PSMC6: variants seen among roughly 807,000 people sequenced by gnomAD.
PSMC6 encodes proteasome 26S subunit, ATPase 6.
A neutral mutation model predicts 55.9 loss-of-function variants in PSMC6; 3 were observed. The observed-to-expected ratio is 0.05, with a 90% confidence interval of 0.02 to 0.14. The LOEUF (loss-of-function observed/expected upper bound fraction) is 0.14, where lower values mean the gene tolerates loss of function less well. PSMC6 is among the 10% of genes least tolerant of loss of function. The pLI is 1.00. For missense variants in PSMC6, 210 were observed against 478.7 expected (o/e 0.44, Z 5.24); for synonymous variants, 137 against 155.9 (o/e 0.88, Z 0.90).
rs376778282 is a variant in PSMC6 at position 52,718,965 on chromosome 14, C to T, written c.716-12C>T. On this transcript the variant is annotated splice_polypyrimidine_tract_variant and intron_variant, in intron 9 of 13. Coordinates refer to ENST00000445930, the MANE Select transcript of PSMC6 (RefSeq NM_002806.5). ...GAGTAATGCATATAAATTTCCAAAT[C>T]TACTATCTTAGGTGGTCGTCGGTTT... 1.7e-5 allele frequency: 27 copies of T among 1,601,258 alleles called. No individual in the cohort carries two copies. The highest frequency in any genetic ancestry group is 2.2e-5 in the Non-Finnish European group (26 of 1,168,922).
At chr14:52,710,983 T>G in intron 4 of PSMC6, 118 bp from the exon 5 acceptor site, 1 of 818,946 alleles carries the variant, frequency 1.2e-6, no homozygotes, top group Non-Finnish European at 2.0e-6. Flanking sequence ...TATAATCTGA[T>G]ATTTGTGTTC....
intron 4 of PSMC6, chr14:52,709,628 G>T (rs113530978): frequency 2.2e-6 from 1 of 454,728 alleles, no homozygotes; most frequent in Non-Finnish European, 4.4e-6. Flanking sequence ...GTTGCATGAG[G>T]ACAAGACTGT....
At chr14:52,715,475 G>A (rs1426677393) in intron 7 of PSMC6, among the ~76,000 whole-genome samples, 3 of 152,112 alleles carry the variant, frequency 2.0e-5, no homozygotes, top group African/African-American at 4.8e-5. Context: ...TTTCCAAAGC[G>A]AACAAATTAA....
intron 10 of PSMC6, among the ~76,000 whole-genome samples, chr14:52,720,366 T>TAAAA (rs1420424928): frequency 1.0e-4 from 1 of 9,692 alleles, no homozygotes; most frequent in African/African-American, 5.6e-4. Context: ...AAACTCTGTC[T>TAAAA]CAAAAAAAAA....
At chr14:52,726,130 G>C (rs1182096210) in intron 13 of PSMC6, among the ~76,000 whole-genome samples, 1 of 152,158 alleles carries the variant, frequency 6.6e-6, no homozygotes, top group Non-Finnish European at 1.5e-5. Context: ...TTAGTAGATA[G>C]CAATAAACTT....
Position 52,720,955 on chromosome 14 carries a change from G to A in PSMC6, c.872G>A (p.Arg291His). 3 of 1,613,270 alleles carry A rather than the reference G, an allele frequency of 1.9e-6. No homozygotes were observed. Among genetic ancestry groups the A allele is most frequent in the Non-Finnish European group, 2.5e-6 (3 of 1,179,506 alleles). The change falls in exon 11 of 14, where the codon CGT becomes CAT. Residue 291 changes from arginine (R) to histidine (H), a missense_variant. Coordinates refer to ENST00000445930, the MANE Select transcript of PSMC6 (RefSeq NM_002806.5). ...RPDTLDPALLRPGRLDRKIHI... is the reference protein window; with the variant it reads ...RPDTLDPALLHPGRLDRKIHI... Reference sequence around the variant, plus strand: ...GATACACTGGATCCTGCTTTGCTGCGTCCAGGAAGATTAGATAGAAAAATA... The same window carrying A: ...GATACACTGGATCCTGCTTTGCTGCATCCAGGAAGATTAGATAGAAAAATA...
rs545340840 is a variant in PSMC6, at chr14:52,725,678, G to A, written c.1051+1642G>A. ...CTATAGGCGTGCGCCACCACACCCA[G>A]CTAATTTTTGTATTTTTTGTAGAGA... On this transcript the variant is annotated intron_variant, in intron 13 of 13. Coordinates refer to ENST00000445930, the MANE Select transcript of PSMC6 (RefSeq NM_002806.5). 5.3e-5 allele frequency among the ~76,000 whole-genome samples: 8 copies of A among 152,280 alleles called. 1 individual carries two copies. The South Asian group carries it at 1.7e-3, about 32-fold the overall frequency.
At chr14:52,719,883 G>A (rs1237592275) in intron 10 of PSMC6, among the ~76,000 whole-genome samples, 2 of 152,040 alleles carry the variant, frequency 1.3e-5, no homozygotes, top group African/African-American at 4.8e-5. Flanking sequence ...TAGAAATTGA[G>A]GACAATATTT....
intron 12 of PSMC6, chr14:52,722,343 A>C (rs893751100): frequency 6.6e-6 from 1 of 151,476 alleles, no homozygotes; most frequent in Non-Finnish European, 1.5e-5. Context: ...AGAGTTTTCT[A>C]TAAGATGGAA....
rs151306427 is a variant in PSMC6, at chr14:52,716,343, T to C, written c.530-1738T>C. ...GATTCAGCAATCCCACTTCTGGGTTTATATCTAAAGGAATTGAAATCAGTG... is the reference window on the plus strand; with the variant it reads ...GATTCAGCAATCCCACTTCTGGGTTCATATCTAAAGGAATTGAAATCAGTG... On this transcript the variant is annotated intron_variant, in intron 7 of 13. Coordinates refer to ENST00000445930, the MANE Select transcript of PSMC6 (RefSeq NM_002806.5). 7.5e-3 allele frequency among the ~76,000 whole-genome samples: 1,139 copies of C among 152,336 alleles called. 8 individuals carry two copies. The highest frequency in any genetic ancestry group is 0.023 in the African/African-American group (936 of 41,578).
chr14:52,708,742 T>A (rs2041732231), intron 3 of PSMC6, 22 bp from the exon 4 acceptor site: 1 of 1,611,096 alleles, frequency 6.2e-7, no homozygotes, highest in South Asian at 1.1e-5. Context: ...TTCAATTAGT[T>A]CTTTTATGTT....
intron 13 of PSMC6, among the ~76,000 whole-genome samples, chr14:52,726,095 A>G (rs1289011867): frequency 1.3e-5 from 2 of 152,236 alleles, no homozygotes; most frequent in Non-Finnish European, 2.9e-5. Context: ...GCAGATCCTC[A>G]GTGGAAATTT....
rs1376866376 is a variant in PSMC6, at chr14:52,727,811, A to G, written c.*194A>G. The G allele has an allele frequency of 4.6e-6, 2 of 437,132 alleles. No homozygotes were observed. The highest frequency in any genetic ancestry group is 4.0e-5 in the African/African-American group (2 of 49,746). 27.1% of individuals were successfully genotyped at this position (437,132 alleles called of 1,614,324 possible). On this transcript the variant is annotated 3_prime_UTR_variant, in exon 14 of 14. Coordinates refer to ENST00000445930, the MANE Select transcript of PSMC6 (RefSeq NM_002806.5). ...TTGTATGTTTGTTAAAGTTGCATTT[A>G]TTGCAGCAAGTTACAAAGGGAAAGT...
At chr14:52,724,609 T>C (rs1472524983) in intron 13 of PSMC6, among the ~76,000 whole-genome samples, 2 of 152,248 alleles carry the variant, frequency 1.3e-5, no homozygotes, top group Admixed American at 1.3e-4. Context: ...TTATGAATTA[T>C]GTGATCATGC....
intron 12 of PSMC6, 171 bp downstream of exon 12, chr14:52,721,361 G>A: frequency 1.8e-6 from 1 of 548,208 alleles, no homozygotes; most frequent in East Asian, 3.2e-5. Context: ...CATTGTAAGT[G>A]TTTTGTAAGG....
intron 4 of PSMC6, chr14:52,709,668 C>T (rs980030604): frequency 9.3e-6 from 4 of 431,126 alleles, no homozygotes; most frequent in African/African-American, 2.1e-5. Context: ...TTAGAAAAGC[C>T]GAAGTATATA....
intron 7 of PSMC6, 103 bp downstream of exon 7, chr14:52,714,071 C>CAAAAA: frequency 2.7e-6 from 2 of 737,530 alleles, no homozygotes; most frequent in Non-Finnish European, 4.2e-6. Context: ...GACACGGTCT[C>CAAAAA]ACTCTGTTGC....
At position 52,713,878 on chromosome 14, in the gene PSMC6, T is replaced by C. The variant is rs377469044; in HGVS notation, c.442-3T>C. The stretch of plus-strand genomic sequence containing the variant: ...TTTAAGAAAGATTTAACTTCTTTTC[T>C]AGGTGATAGAATTACCTCTTACAAA... On this transcript the variant is annotated splice_polypyrimidine_tract_variant and splice_region_variant and intron_variant, in intron 6 of 13. Transcript: ENST00000445930. 7.7e-6 allele frequency: 12 copies of C among 1,550,088 alleles called. No individual in the cohort carries two copies. Among genetic ancestry groups the C allele is most frequent in the South Asian group, 1.2e-5 (1 of 85,914 alleles).
chr14:52,709,913 A>G (rs2041748663), intron 4 of PSMC6: 1 of 184,142 alleles, frequency 5.4e-6, no homozygotes, highest in Non-Finnish European at 1.1e-5. Flanking sequence ...CTCAGCCTGT[A>G]TTTCCTATAG....
Sources: gnomAD v4.1 joint callset for allele counts (sites outside exome capture counted in the v4.1 genomes callset) on GRCh38, gnomAD v4.1.1 for gene constraint, MANE v1.5 for transcripts, NCBI Gene and HGNC (gene_info 2026-07-23, HGNC 2026-07-21) for gene names.